The following PTGIS variants were observed in gnomAD, a reference collection of about 807,000 sequenced individuals.
The protein encoded by PTGIS is prostaglandin I2 synthase, also known as prostacyclin synthase.
A neutral mutation model predicts 50.3 loss-of-function variants in PTGIS; 45 were observed. That is an observed-to-expected ratio of 0.90 (90% CI 0.70 to 1.15). The LOEUF (loss-of-function observed/expected upper bound fraction) is 1.15. PTGIS is among the 50% of genes most tolerant of loss of function. The probability of loss-of-function intolerance (pLI) is 0.00; values close to 1 mark genes in which losing one functional copy is unlikely to be tolerated. For missense variants in PTGIS, 668 were observed against 661.3 expected, an observed-to-expected ratio of 1.01 and a Z score of -0.11; for synonymous variants, 260 against 267.7, an observed-to-expected ratio of 0.97 and a Z score of 0.28.
Position 49,514,291 on chromosome 20 carries a change from C to T in PTGIS, c.960G>A (p.Ala320=), listed in dbSNP as rs768395134. 1.8e-5 allele frequency: 29 copies of T among 1,613,974 alleles called. No individual in the cohort carries two copies. The highest frequency in any genetic ancestry group is 6.7e-5 in the East Asian group (3 of 44,894). ...RGELESILWQ[A]EQPVSQTTTL... is the part of the protein sequence containing the mutation. ...TGGTCGTCTGCGAGACAGGCTGCTC[C>T]GCTTGCCAAAGGATACTCTCGAGCT... The change falls in exon 7 of 10, where the codon GCG becomes GCA. Residue 320 remains alanine (A), a synonymous_variant. Transcript: ENST00000244043.
chr20:49,528,910 G>A (rs1282249002), intron 5 of PTGIS, among the ~76,000 whole-genome samples: 1 of 152,198 alleles, frequency 6.6e-6, no homozygotes, highest in Non-Finnish European at 1.5e-5. Context: ...TATGAGCAGT[G>A]GGAATTGGTG....
chr20:49,531,480 G>A (rs755733031), intron 5 of PTGIS, among the ~76,000 whole-genome samples: 10 of 152,090 alleles, frequency 6.6e-5, no homozygotes, highest in Admixed American at 1.3e-4. Flanking sequence ...AAACAGATAC[G>A]GAGAAATGCA....
At chr20:49,567,565 G>A (rs1982931205) in intron 1 of PTGIS, among the ~76,000 whole-genome samples, 1 of 152,206 alleles carries the variant, frequency 6.6e-6, no homozygotes, top group Non-Finnish European at 1.5e-5. Flanking sequence ...GTTGAGGAGC[G>A]AGGCTATCCC....
At chr20:49,568,001 G>GC in intron 1 of PTGIS, 42 bp downstream of exon 1, 2 of 1,455,738 alleles carry the variant, frequency 1.4e-6, no homozygotes, top group Non-Finnish European at 9.0e-7. Flanking sequence ...GGCGGGAGCC[G>GC]CCCCCTTTGT....
At chr20:49,566,403 T>C (rs1252251729) in intron 1 of PTGIS, among the ~76,000 whole-genome samples, 1 of 152,254 alleles carries the variant, frequency 6.6e-6, no homozygotes, top group African/African-American at 2.4e-5. Flanking sequence ...ACATAATGTC[T>C]GAAAACATTT....
At chr20:49,548,157 A>G (rs186653683) in intron 2 of PTGIS, 138 bp from the exon 3 acceptor site, 10 of 794,630 alleles carry the variant, frequency 1.3e-5, no homozygotes, top group Admixed American at 4.0e-5. Flanking sequence ...ATGCCTCACT[A>G]CCACCTACCA....
At chr20:49,548,753 G>C (rs1982432655) in intron 2 of PTGIS, among the ~76,000 whole-genome samples, 1 of 151,758 alleles carries the variant, frequency 6.6e-6, no homozygotes, top group Admixed American at 6.6e-5. Context: ...AAGGAAGGAA[G>C]GAAGGAAATT....
intron 4 of PTGIS, among the ~76,000 whole-genome samples, chr20:49,543,573 C>A (rs560672499): frequency 1.3e-5 from 2 of 152,172 alleles, no homozygotes; most frequent in Non-Finnish European, 2.9e-5. Context: ...CCACACTGGC[C>A]GTCTCTCTGA....
intron 6 of PTGIS, among the ~76,000 whole-genome samples, chr20:49,517,243 G>A (rs934213291): frequency 1.3e-5 from 2 of 152,232 alleles, no homozygotes; most frequent in Non-Finnish European, 2.9e-5. Flanking sequence ...CCAGGCAAAT[G>A]CGGATGATAA....
intron 2 of PTGIS, among the ~76,000 whole-genome samples, chr20:49,548,744 A>G (rs1982432255): frequency 6.6e-6 from 1 of 151,964 alleles, no homozygotes; most frequent in Admixed American, 6.6e-5. Flanking sequence ...GGAGGAAGGA[A>G]GGAAGGAAGG....
chr20:49,536,474 C>CT (rs1982073506), intron 5 of PTGIS, among the ~76,000 whole-genome samples: 2 of 125,602 alleles, frequency 1.6e-5, no homozygotes, highest in African/African-American at 3.5e-5. Flanking sequence ...TTCTTTCTTT[C>CT]TTTCTTTTTT....
chr20:49,510,937 T>A, intron 9 of PTGIS, 91 bp downstream of exon 9: 1 of 1,280,320 alleles, frequency 7.8e-7, no homozygotes, highest in Non-Finnish European at 1.1e-6. Context: ...CAAACCATTC[T>A]CCTGGCTGAG....
At chr20:49,519,606 T>C (rs1452172978) in intron 6 of PTGIS, among the ~76,000 whole-genome samples, 2 of 152,014 alleles carry the variant, frequency 1.3e-5, no homozygotes, top group Non-Finnish European at 2.9e-5. Context: ...TCCTCTATGC[T>C]GACAACTCCC....
chr20:49,532,812 T>TCCCCCATGTGTA (rs1981966734), intron 5 of PTGIS, among the ~76,000 whole-genome samples: 1 of 152,156 alleles, frequency 6.6e-6, no homozygotes, highest in African/African-American at 2.4e-5. Context: ...AGCCTCAGTT[T>TCCCCCATGTGTA]CCCCCATGTG....
chr20:49,524,003 A>G lies in PTGIS; in HGVS notation c.855+55T>C, dbSNP rs564403776. 1.9e-6 allele frequency: 3 copies of G among 1,602,748 alleles called. No homozygotes were observed. In the African/African-American group the frequency reaches 4.0e-5, roughly 21 times the overall value. On this transcript the variant is annotated intron_variant, in intron 6 of 9. Coordinates refer to ENST00000244043, the MANE Select transcript of PTGIS (RefSeq NM_000961.4). ...CAGACATGCACACACACATGCGTTCATATCGCAACCACACATGCACACCTG... is the reference window on the plus strand; with the variant it reads ...CAGACATGCACACACACATGCGTTCGTATCGCAACCACACATGCACACCTG...
chr20:49,510,972 G>A lies in PTGIS; in HGVS notation c.1358+56C>T, dbSNP rs186214779. ...GCCCTCAGTCCCAGGAGAGAAGGGC[G>A]CCTGCCAACCAGGGGATCAGGAGCC... On this transcript the variant is annotated intron_variant, in intron 9 of 9. Coordinates refer to ENST00000244043, the MANE Select transcript of PTGIS (RefSeq NM_000961.4). The A allele has an allele frequency of 2.9e-5, 46 of 1,559,526 alleles. No individual in the cohort carries two copies. The East Asian group carries it at 9.0e-4, about 30-fold the overall frequency.
rs867434306 is a variant in PTGIS at position 49,505,142 on chromosome 20, G to C, written c.*2778C>G. Reference sequence around the variant, plus strand: ...CATCTCAAAAAAAAAAAAAAAAAAAGAGTATTTCATTCTTGCCACTGAGCT... The same window carrying C: ...CATCTCAAAAAAAAAAAAAAAAAAACAGTATTTCATTCTTGCCACTGAGCT... On this transcript the variant is annotated 3_prime_UTR_variant, in exon 10 of 10. Coordinates refer to ENST00000244043, the MANE Select transcript of PTGIS (RefSeq NM_000961.4). 9.0e-6 allele frequency: 1 copy of C among 111,232 alleles called. No individual in the cohort carries two copies. The highest frequency in any genetic ancestry group is 4.2e-5 in the African/African-American group (1 of 23,966). 6.9% of individuals were successfully genotyped at this position (111,232 alleles called of 1,614,324 possible).
intron 1 of PTGIS, among the ~76,000 whole-genome samples, chr20:49,557,701 C>T (rs1982651798): frequency 6.6e-6 from 1 of 152,184 alleles, no homozygotes; most frequent in Non-Finnish European, 1.5e-5. Flanking sequence ...CAAGAAGCTG[C>T]CTTTCCTACT....
At chr20:49,567,137 G>C (rs1447980171) in intron 1 of PTGIS, among the ~76,000 whole-genome samples, 1 of 152,104 alleles carries the variant, frequency 6.6e-6, no homozygotes, top group Non-Finnish European at 1.5e-5. Flanking sequence ...AAGGGGCTTC[G>C]GTCTTACCTA....
Sources: gnomAD v4.1 joint callset for allele counts (sites outside exome capture counted in the v4.1 genomes callset) on GRCh38, gnomAD v4.1.1 for gene constraint, MANE v1.5 for transcripts, NCBI Gene and HGNC (gene_info 2026-07-23, HGNC 2026-07-21) for gene names.